The following ENTPD1 variants were observed in gnomAD, a reference collection of about 807,000 sequenced individuals.
The protein encoded by ENTPD1 is ATP diphosphohydrolase.
Under a neutral mutation model 57.0 loss-of-function variants are expected in ENTPD1, and 33 were observed. That is an observed-to-expected ratio of 0.58 (90% CI 0.44 to 0.77). The LOEUF is 0.77. Ranked by LOEUF, ENTPD1 falls within the 30% of genes least tolerant of loss-of-function variation. The pLI is 0.00. For missense variants in ENTPD1, 501 were observed against 603.4 expected (o/e 0.83, Z 1.78); for synonymous variants, 202 against 218.8 (o/e 0.92, Z 0.68).
At chr10:95,798,659 A>C (rs1453496524) in intron 1 of ENTPD1, among the ~76,000 whole-genome samples, 1 of 152,124 alleles carries the variant, frequency 6.6e-6, no homozygotes, top group Admixed American at 6.6e-5. Context: ...TCATTAACTC[A>C]TGTGTTCCCC....
intron 1 of ENTPD1, among the ~76,000 whole-genome samples, chr10:95,774,138 A>G (rs1301988660): frequency 6.6e-6 from 1 of 152,204 alleles, no homozygotes; most frequent in Non-Finnish European, 1.5e-5. Flanking sequence ...TCTTCTTTTG[A>G]GAAGTGTCTG....
At chr10:95,854,790 C>G (rs944933140) in intron 7 of ENTPD1, among the ~76,000 whole-genome samples, 7 of 152,142 alleles carry the variant, frequency 4.6e-5, no homozygotes, top group African/African-American at 1.7e-4. Context: ...GCACTGTGGT[C>G]TGAGAGACAG....
At chr10:95,749,653 G>A (rs1457556651) in intron 1 of ENTPD1, among the ~76,000 whole-genome samples, 1 of 152,110 alleles carries the variant, frequency 6.6e-6, no homozygotes, top group Admixed American at 6.6e-5. Flanking sequence ...GTGGATATTC[G>A]GGAGGACAGC....
Position 95,876,318 on chromosome 10 carries a change from T to C in ENTPD1, c.*9935T>C. 1 of 985,302 alleles carries C rather than the reference T, an allele frequency of 1.0e-6. No homozygotes were observed. The highest frequency in any genetic ancestry group is 1.2e-6 in the Non-Finnish European group (1 of 829,814). The allele number at this position is 985,302 out of a possible 1,614,324, so 61.0% of individuals were successfully genotyped here. A position where few individuals can be genotyped will look rare whatever the true frequency, so the allele number is the denominator to read the frequency against. On this transcript the variant is annotated 3_prime_UTR_variant, in exon 10 of 10. Transcript: ENST00000371205. Reference sequence around the variant, plus strand: ...GAAATGACTTTTGGCCTAGTAACAATGAAAATGGGGGCAAATACAGATAAA... The same window carrying C: ...GAAATGACTTTTGGCCTAGTAACAACGAAAATGGGGGCAAATACAGATAAA...
chr10:95,749,194 T>C (rs1283297375), intron 1 of ENTPD1, among the ~76,000 whole-genome samples: 1 of 152,256 alleles, frequency 6.6e-6, no homozygotes, highest in Admixed American at 6.5e-5. Context: ...TCAATGATTT[T>C]GTTGTCCTGG....
chr10:95,873,981 A>G lies in ENTPD1; in HGVS notation c.*7598A>G, dbSNP rs1003852113. 6.6e-6 allele frequency among the ~76,000 whole-genome samples: 1 copy of G among 152,180 alleles called. No individual in the cohort carries two copies. Among genetic ancestry groups the G allele is most frequent in the Admixed American group, 6.5e-5 (1 of 15,284 alleles). The stretch of plus-strand genomic sequence containing the variant: ...TTACCTCCCACTGCGTCCCTCCCAC[A>G]ACATGTGGGAATTCTGGGAGATACA... On this transcript the variant is annotated 3_prime_UTR_variant, in exon 10 of 10. Transcript: ENST00000371205.
At position 95,873,866 on chromosome 10, in the gene ENTPD1, C is replaced by T. The variant is rs2098483050; in HGVS notation, c.*7483C>T. On this transcript the variant is annotated 3_prime_UTR_variant, in exon 10 of 10. Transcript: ENST00000371205. ...CATCAAGAGCAAAATGAGGAAGAAG[C>T]AAAAGCAGAAACTCTTCATAAACCC... The T allele has an allele frequency of 4.6e-6, 1 of 217,842 alleles. No individual in the cohort carries two copies. Among genetic ancestry groups the T allele is most frequent in the Non-Finnish European group, 7.8e-6 (1 of 128,072 alleles). 13.5% of individuals were successfully genotyped at this position (217,842 alleles called of 1,614,324 possible). A position where few individuals can be genotyped will look rare whatever the true frequency, so the allele number is the denominator to read the frequency against.
intron 9 of ENTPD1, among the ~76,000 whole-genome samples, chr10:95,865,334 G>A (rs1046782247): frequency 1.3e-5 from 2 of 152,166 alleles, no homozygotes; most frequent in African/African-American, 4.8e-5. Context: ...TGATGAGACC[G>A]TTGTTTAGAA....
At chr10:95,816,183 C>T (rs980930171) in intron 1 of ENTPD1, among the ~76,000 whole-genome samples, 6 of 152,326 alleles carry the variant, frequency 3.9e-5, no homozygotes, top group Admixed American at 6.5e-5. Flanking sequence ...AGCAGATTTT[C>T]TCTCCCTGGC....
At chr10:95,725,101 A>G (rs1429600320) in intron 1 of ENTPD1, among the ~76,000 whole-genome samples, 2 of 146,570 alleles carry the variant, frequency 1.4e-5, no homozygotes, top group East Asian at 4.3e-4. Flanking sequence ...AAATTAACTG[A>G]TTCCTTATTC....
chr10:95,859,641 T>A (rs2098461859), intron 7 of ENTPD1, among the ~76,000 whole-genome samples: 1 of 152,218 alleles, frequency 6.6e-6, no homozygotes, highest in African/African-American at 2.4e-5. Flanking sequence ...GGGGTTTGAA[T>A]TGCCTCATCT....
chr10:95,735,026 T>G (rs1026863636), intron 1 of ENTPD1, among the ~76,000 whole-genome samples: 2 of 39,020 alleles, frequency 5.1e-5, no homozygotes, highest in Non-Finnish European at 1.2e-4. Flanking sequence ...TGAAAATAGA[T>G]TTTTTTTTTT....
At chr10:95,839,497 T>C (rs1166571362) in intron 2 of ENTPD1, 194 bp from the exon 3 acceptor site, 3 of 653,688 alleles carry the variant, frequency 4.6e-6, no homozygotes, top group East Asian at 2.7e-5. Context: ...GCAAACAGCA[T>C]GAAGAGCCCC....
chr10:95,739,478 C>G (rs2097997974), intron 1 of ENTPD1, among the ~76,000 whole-genome samples: 1 of 152,200 alleles, frequency 6.6e-6, no homozygotes, highest in African/African-American at 2.4e-5. Context: ...GATTCCATCT[C>G]AAGAAACCAG....
chr10:95,871,588 T>G lies in ENTPD1; in HGVS notation c.*5205T>G, dbSNP rs2098480507. 1 of 985,354 alleles carries G rather than the reference T, an allele frequency of 1.0e-6. No individual in the cohort carries two copies. The highest frequency in any genetic ancestry group is 1.7e-5 in the African/African-American group (1 of 57,256). 61.0% of individuals were successfully genotyped at this position (985,354 alleles called of 1,614,324 possible). A position where few individuals can be genotyped will look rare whatever the true frequency, so the allele number is the denominator to read the frequency against. On this transcript the variant is annotated 3_prime_UTR_variant, in exon 10 of 10. Coordinates refer to ENST00000371205, the MANE Select transcript of ENTPD1 (RefSeq NM_001776.6). ...AATGGATTTTTCAATAGTGAGGAGG[T>G]GCCTCCATGAGCCTTCTCTTTAGAA...
chr10:95,707,589 T>G (rs1467555630), upstream of ENTPD1, among the ~76,000 whole-genome samples: 1 of 152,128 alleles, frequency 6.6e-6, no homozygotes, highest in Non-Finnish European at 1.5e-5. Context: ...CAGGCTCACT[T>G]TTTTTGTTGT....
Position 95,791,847 on chromosome 10 carries a change from C to G in ENTPD1, c.17-31390C>G, listed in dbSNP as rs1339393152. Reference sequence around the variant, plus strand: ...CAGGGAACTCTGGAGTGTGTGAACTCTAAGGATCCTTTCAACTTTGAGATT... The same window carrying G: ...CAGGGAACTCTGGAGTGTGTGAACTGTAAGGATCCTTTCAACTTTGAGATT... On this transcript the variant is annotated intron_variant, in intron 1 of 9. Transcript: ENST00000371205. The surrounding 1 kb of genome is among the most constrained non-coding windows in gnomAD (Gnocchi z 4.1). Among the ~76,000 whole-genome samples the G allele has an allele frequency of 6.6e-6, 1 of 152,076 alleles. No homozygotes were observed. Among genetic ancestry groups the G allele is most frequent in the African/African-American group, 2.4e-5 (1 of 41,414 alleles).
At position 95,871,403 on chromosome 10, in the gene ENTPD1, C is replaced by T. The variant is rs1341213937; in HGVS notation, c.*5020C>T. Reference sequence around the variant, plus strand: ...AATCAGGATGCTGTGGCAGCTCCCACATTAGCCTCGCATTCTAAACTGGTA... The same window carrying T: ...AATCAGGATGCTGTGGCAGCTCCCATATTAGCCTCGCATTCTAAACTGGTA... On this transcript the variant is annotated 3_prime_UTR_variant, in exon 10 of 10. Coordinates refer to ENST00000371205, the MANE Select transcript of ENTPD1 (RefSeq NM_001776.6). 4 of 985,352 alleles carry T rather than the reference C, an allele frequency of 4.1e-6. No individual in the cohort carries two copies. The highest frequency in any genetic ancestry group is 4.8e-6 in the Non-Finnish European group (4 of 829,948). The allele number at this position is 985,352 out of a possible 1,614,324, so 61.0% of individuals were successfully genotyped here.
intron 1 of ENTPD1, among the ~76,000 whole-genome samples, chr10:95,784,256 T>C (rs2098169558): frequency 6.6e-6 from 1 of 152,134 alleles, no homozygotes; most frequent in South Asian, 2.1e-4. Context: ...GAACAGCCTG[T>C]CACATATGAC....
Sources: allele counts gnomAD v4.1 joint callset (sites outside exome capture counted in the v4.1 genomes callset), GRCh38; gene constraint gnomAD v4.1.1; non-coding constraint Gnocchi (gnomAD v3.1); transcripts MANE v1.5; gene names NCBI Gene and HGNC (gene_info 2026-07-23, HGNC 2026-07-21).